The following SUGP1 variants were observed in gnomAD, a reference collection of about 807,000 sequenced individuals.
SUGP1 encodes SURP and G-patch domain containing 1, also known as SURP and G-patch domain-containing protein 1.
Under a neutral mutation model 76.5 loss-of-function variants are expected in SUGP1, and 34 were observed. That is an observed-to-expected ratio of 0.44 (90% confidence interval 0.34 to 0.59). SUGP1 has a LOEUF of 0.59. Among genes scored for constraint, SUGP1 ranks in the 20% least tolerant of loss-of-function variants. The probability of loss-of-function intolerance (pLI) is 0.01; values close to 1 mark genes in which losing one functional copy is unlikely to be tolerated. For synonymous variants in SUGP1, 326 were observed against 326.2 expected, an observed-to-expected ratio of 1.00 and a Z score of 0.01; for missense variants, 752 against 851.7, an observed-to-expected ratio of 0.88 and a Z score of 1.46.
intron 8 of SUGP1, 66 bp from the exon 9 acceptor site, chr19:19,280,357 G>A: frequency 7.0e-7 from 1 of 1,437,328 alleles, no homozygotes; most frequent in Non-Finnish European, 9.7e-7. Flanking sequence ...TCCTGCGCTG[G>A]GGTGTGCTGT....
At chr19:19,316,367 G>A (rs2061393968) in intron 2 of SUGP1, 55 bp downstream of exon 2, 1 of 1,598,936 alleles carries the variant, frequency 6.3e-7, no homozygotes, top group African/African-American at 1.3e-5. Context: ...ACCCTGTGCT[G>A]GTGACCCTCA....
intron 8 of SUGP1, among the ~76,000 whole-genome samples, chr19:19,287,434 T>C (rs1009110381): frequency 6.6e-6 from 1 of 151,840 alleles, no homozygotes; most frequent in African/African-American, 2.4e-5. Flanking sequence ...TGGTGGTGCA[T>C]GCCTGTAATC....
chr19:19,307,944 C>T (rs778443367), intron 3 of SUGP1, among the ~76,000 whole-genome samples: 3 of 152,152 alleles, frequency 2.0e-5, no homozygotes, highest in Non-Finnish European at 4.4e-5. Flanking sequence ...GAATTACAGG[C>T]GTGAGCCACT....
chr19:19,299,440 T>C (rs2061254115), intron 7 of SUGP1, among the ~76,000 whole-genome samples: 1 of 152,024 alleles, frequency 6.6e-6, no homozygotes, highest in Non-Finnish European at 1.5e-5. Flanking sequence ...TGGCACAATC[T>C]CAGCTCACTG....
At chr19:19,300,733 G>C (rs1414517268) in intron 7 of SUGP1, among the ~76,000 whole-genome samples, 1 of 152,094 alleles carries the variant, frequency 6.6e-6, no homozygotes, top group Non-Finnish European at 1.5e-5. Flanking sequence ...CTGGCTGCCC[G>C]GGGTACCCAC....
rs201270493 is a variant in SUGP1 at position 19,305,892 on chromosome 19, G to A, written c.495C>T (p.Asp165=). 788 of 1,613,542 alleles carry A rather than the reference G, an allele frequency of 4.9e-4. 8 individuals are homozygous for A. In the South Asian group the frequency reaches 6.1e-3, roughly 13 times the overall value. Residue 165 remains aspartate, a synonymous_variant, in exon 4 of 14, where the codon GAC becomes GAT. Coordinates refer to ENST00000247001, the MANE Select transcript of SUGP1 (RefSeq NM_172231.4). ...GCTCATAGTCCTCCTCCTCGTCCTCGTCAGGGGACTGGAAGACACTCGGGC... is the reference window on the plus strand; with the variant it reads ...GCTCATAGTCCTCCTCCTCGTCCTCATCAGGGGACTGGAAGACACTCGGGC... ...AHRPSVFQSP[D]EDEEEDYEQW...
chr19:19,309,874 C>G (rs1347780083), intron 3 of SUGP1, among the ~76,000 whole-genome samples: 1 of 152,090 alleles, frequency 6.6e-6, no homozygotes, highest in Non-Finnish European at 1.5e-5. Flanking sequence ...ATCGCGCCAC[C>G]GCACTCCAGC....
chr19:19,311,299 A>T (rs976174105), intron 2 of SUGP1, among the ~76,000 whole-genome samples: 45 of 151,860 alleles, frequency 3.0e-4, no homozygotes, highest in Admixed American at 5.9e-4. Context: ...CTTTGTGCTA[A>T]CTTGTTAAAA....
intron 2 of SUGP1, among the ~76,000 whole-genome samples, chr19:19,311,373 T>C (rs1338260051): frequency 6.6e-6 from 1 of 150,748 alleles, no homozygotes; most frequent in Admixed American, 6.6e-5. Flanking sequence ...AGAGTGAAGA[T>C]AAAATATAAA....
Position 19,302,259 on chromosome 19 carries a change from C to G in SUGP1, c.887+6G>C, listed in dbSNP as rs1190350223. On this transcript the variant is annotated splice_donor_region_variant and intron_variant, in intron 7 of 13. Coordinates refer to ENST00000247001, the MANE Select transcript of SUGP1 (RefSeq NM_172231.4). ...ACGGTCACCTCCCTGGCAGGGCCCC[C>G]CTTACCTGAATGCCTGGTTCTCACG... 1 of 1,613,950 alleles carries G rather than the reference C, an allele frequency of 6.2e-7. No homozygotes were observed. The highest frequency in any genetic ancestry group is 1.3e-5 in the African/African-American group (1 of 74,934).
intron 1 of SUGP1, among the ~76,000 whole-genome samples, chr19:19,320,221 G>A (rs1333770032): frequency 6.6e-6 from 1 of 152,234 alleles, no homozygotes. Flanking sequence ...ACGGGACGCA[G>A]GGCCGAGCCG....
intron 8 of SUGP1, among the ~76,000 whole-genome samples, chr19:19,291,842 G>A (rs372283837): frequency 4.0e-5 from 6 of 150,522 alleles, no homozygotes; most frequent in South Asian, 4.2e-4. Context: ...GCAGTGAGCC[G>A]AGATCACGCC....
rs774192281 is a variant in SUGP1 at position 19,279,304 on chromosome 19, G to C, written c.1437C>G (p.His479Gln). The change falls in exon 10 of 14, where the codon CAC (histidine) becomes CAG (glutamine). Residue 479 changes from histidine (H) to glutamine (Q), a missense_variant. Around this residue, in one of 2 missense-constraint regions of SUGP1, gnomAD observed 132 missense variants for 234.4 expected, o/e 0.56. Transcript: ENST00000247001. The part of the protein sequence containing the change: ...QLLWEKAVQQ[H>Q]QHGYDSDEEV... Reference sequence around the variant, plus strand: ...CCTCATCACTGTCATAGCCGTGCTGGTGCTGTTGGACTGCCTTCTCCCACA... The same window carrying C: ...CCTCATCACTGTCATAGCCGTGCTGCTGCTGTTGGACTGCCTTCTCCCACA... The C allele has an allele frequency of 1.2e-6, 2 of 1,611,380 alleles. No individual in the cohort carries two copies. Among genetic ancestry groups the C allele is most frequent in the South Asian group, 2.2e-5 (2 of 90,818 alleles).
intron 1 of SUGP1, among the ~76,000 whole-genome samples, chr19:19,317,336 G>A (rs758161326): frequency 1.3e-5 from 2 of 152,186 alleles, no homozygotes; most frequent in Non-Finnish European, 2.9e-5. Flanking sequence ...CTGGGCAGAA[G>A]AAGGAGCAGA....
rs116372233 is a variant in SUGP1, at chr19:19,280,492, G to A, written c.1244-201C>T. On this transcript the variant is annotated intron_variant, in intron 8 of 13. Transcript: ENST00000247001. ...TGCCACGTGCACCCCCGCATCTTAC[G>A]TCCTTGTGACCTCTCCAGCCAGGCT... is the stretch of plus-strand genomic sequence containing the variant. The A allele has an allele frequency of 4.2e-3, 2,436 of 575,784 alleles. 41 individuals are homozygous for A. The highest frequency in any genetic ancestry group is 0.039 in the African/African-American group (2,120 of 53,672). 35.7% of individuals were successfully genotyped at this position (575,784 alleles called of 1,614,324 possible).
At chr19:19,301,405 G>A (rs561983381) in intron 7 of SUGP1, among the ~76,000 whole-genome samples, 2 of 152,178 alleles carry the variant, frequency 1.3e-5, no homozygotes, top group Admixed American at 6.5e-5. Context: ...CACTGCCCTC[G>A]TCTGCCTGGA....
intron 1 of SUGP1, 55 bp downstream of exon 1, chr19:19,320,408 G>A: frequency 1.3e-6 from 2 of 1,591,250 alleles, no homozygotes; most frequent in Non-Finnish European, 1.7e-6. Context: ...AGTCAGGGGA[G>A]ACACCTAGCC....
chr19:19,280,101 CCT>C (rs777009138), intron 9 of SUGP1, 82 bp downstream of exon 9: 35 of 1,338,866 alleles, frequency 2.6e-5, no homozygotes, highest in Middle Eastern at 1.8e-4. Context: ...CACATGAACC[CCT>C]GTGACCGCTG....
chr19:19,276,706 G>A (rs1312678265), intron 13 of SUGP1, 32 bp from the exon 14 acceptor site: 4 of 1,613,992 alleles, frequency 2.5e-6, no homozygotes, highest in Non-Finnish European at 3.4e-6. Context: ...ACAGGAGGAG[G>A]GGATTAGCAC....
Sources: allele counts gnomAD v4.1 joint callset (sites outside exome capture counted in the v4.1 genomes callset), GRCh38; gene constraint gnomAD v4.1.1; regional missense constraint gnomAD v4.1.1; transcripts MANE v1.5; gene names NCBI Gene and HGNC (gene_info 2026-07-23, HGNC 2026-07-21).